Variants in TTC19 observed in about 807,000 individuals in gnomAD.
TTC19 encodes the protein tetratricopeptide repeat protein 19, mitochondrial.
A neutral mutation model predicts 49.5 loss-of-function variants in TTC19; 38 were observed. The ratio of observed to expected loss-of-function variants is 0.77; its 90% CI spans 0.59 to 1.01. The LOEUF is 1.01. Ranked by LOEUF, TTC19 falls within the 50% of genes least tolerant of loss-of-function variation. The probability of loss-of-function intolerance (pLI) is 0.00; values close to 1 mark genes in which losing one functional copy is unlikely to be tolerated. For missense variants in TTC19, 475 were observed against 477.7 expected, an observed-to-expected ratio of 0.99 and a Z score of 0.05; for synonymous variants, 204 against 185.2, an observed-to-expected ratio of 1.10 and a Z score of -0.83.
At chr17:16,029,829 T>A (rs1971781235), downstream of TTC19, 1 of 152,692 alleles carries the variant, frequency 6.5e-6, no homozygotes, top group Non-Finnish European at 1.5e-5. Flanking sequence ...GTAAATAAAG[T>A]AATACGCACA....
intron 2 of TTC19, chr17:16,040,790 C>T (rs2057415681): frequency 1.8e-5 from 7 of 386,078 alleles, no homozygotes; most frequent in South Asian, 1.4e-4. Context: ...AGCTACTCAG[C>T]AGGCTGAGGC....
chr17:16,042,002 G>A (rs2057793229), intron 2 of TTC19, among the ~76,000 whole-genome samples: 1 of 152,142 alleles, frequency 6.6e-6, no homozygotes. Context: ...CCAAAGTGCT[G>A]GGATTACAGG....
At chr17:16,044,752 C>A in exon 3 of TTC19, 1 of 824,180 alleles carries the variant, frequency 1.2e-6, no homozygotes, top group Admixed American at 1.7e-5. Flanking sequence ...CTTTTTGGTC[C>A]AGCTTGTTTG....
intron 2 of TTC19, among the ~76,000 whole-genome samples, chr17:16,037,054 C>A (rs1471082754): frequency 6.6e-6 from 1 of 152,172 alleles, no homozygotes; most frequent in Non-Finnish European, 1.5e-5. Flanking sequence ...TTCACTTGAA[C>A]ACTTAGAAGC....
chr17:16,038,901 C>T (rs1037970177), intron 2 of TTC19, among the ~76,000 whole-genome samples: 2 of 151,986 alleles, frequency 1.3e-5, no homozygotes, highest in African/African-American at 4.8e-5. Flanking sequence ...CTCCTGAGTA[C>T]CTGGGATTAC....
rs146947598 is a variant in TTC19, at chr17:16,017,638, G to A, written c.677-7379G>A. ...GAGCTAGGTGTGGTGGCGGGTGCCT[G>A]TAACCTCAGCTACTCGGGAGGCTGA... On this transcript the variant is annotated intron_variant, in intron 7 of 9. Coordinates refer to ENST00000261647, the MANE Select transcript of TTC19 (RefSeq NM_017775.4). 6.0e-4 allele frequency among the ~76,000 whole-genome samples: 87 copies of A among 144,852 alleles called. 1 individual carries two copies. The East Asian group carries it at 0.018, about 29-fold the overall frequency.
chr17:16,023,097 A>C (rs1971435533), intron 7 of TTC19, among the ~76,000 whole-genome samples: 1 of 152,202 alleles, frequency 6.6e-6, no homozygotes, highest in African/African-American at 2.4e-5. Context: ...AGTTGCTAAA[A>C]GTTTTCTTAC....
chr17:16,023,748 A>C (rs1043681912), intron 7 of TTC19: 1 of 149,386 alleles, frequency 6.7e-6, no homozygotes, highest in Non-Finnish European at 1.5e-5. Flanking sequence ...AGCCTCAAAG[A>C]GTATATTTAT....
intron 7 of TTC19, among the ~76,000 whole-genome samples, chr17:16,019,445 T>C (rs1471957260): frequency 2.6e-5 from 4 of 152,236 alleles, no homozygotes; most frequent in African/African-American, 9.6e-5. Context: ...AATATTATGT[T>C]GATGAGATTT....
intron 6 of TTC19, among the ~76,000 whole-genome samples, chr17:16,006,018 A>C (rs1970898178): frequency 6.6e-6 from 1 of 152,230 alleles, no homozygotes; most frequent in Non-Finnish European, 1.5e-5. Context: ...ATTTGACACT[A>C]CTTAGACTTT....
Position 16,025,155 on chromosome 17 carries a change from G to A in TTC19, c.815G>A (p.Gly272Glu), listed in dbSNP as rs1971508130. The change falls in exon 8 of 10, where the codon GGA (glycine) becomes GAA (glutamate). Residue 272 changes from glycine (G) to glutamate (E), a missense_variant. Gly to Glu is a moderately conservative substitution (Grantham distance 98, BLOSUM62 -2). Coordinates refer to ENST00000261647, the MANE Select transcript of TTC19 (RefSeq NM_017775.4). ...KALQISEEIQ[G>E]ERHPQTIVLM... ...CTGCAGATTTCTGAAGAAATACAAG[G>A]AGAAAGACACCCACAGGTAAGGGAG... 1 of 1,613,938 alleles carries A rather than the reference G, an allele frequency of 6.2e-7. No homozygotes were observed. The highest frequency in any genetic ancestry group is 1.3e-5 in the African/African-American group (1 of 75,026).
chr17:16,039,328 A>T, intron 2 of TTC19: 1 of 1,089,520 alleles, frequency 9.2e-7, no homozygotes, highest in Non-Finnish European at 1.3e-6. Context: ...GACTCTGAGC[A>T]CATAAAGACA....
chr17:16,003,498 G>A (rs1356718962), intron 4 of TTC19, among the ~76,000 whole-genome samples: 1 of 151,682 alleles, frequency 6.6e-6, no homozygotes. Context: ...TAAATCGAGG[G>A]GACTCTGTAA....
intron 8 of TTC19, among the ~76,000 whole-genome samples, chr17:16,025,527 T>C (rs1159573886): frequency 6.6e-6 from 1 of 152,200 alleles, no homozygotes; most frequent in African/African-American, 2.4e-5. Flanking sequence ...AACGGTTTAA[T>C]ACACAAATAT....
intron 2 of TTC19, among the ~76,000 whole-genome samples, chr17:16,001,286 G>A (rs546104130): frequency 7.2e-5 from 11 of 152,180 alleles, no homozygotes; most frequent in African/African-American, 2.6e-4. Flanking sequence ...CATATACCTT[G>A]CCCACCCATT....
intron 7 of TTC19, chr17:16,024,477 T>TG (rs1567586537): frequency 5.3e-5 from 8 of 151,770 alleles, no homozygotes; most frequent in Admixed American, 2.0e-4. Context: ...TTTTTTTTTT[T>TG]TGTATTTTTA....
At chr17:16,041,127 A>C (rs2057480705) in intron 2 of TTC19, 1 of 152,272 alleles carries the variant, frequency 6.6e-6, no homozygotes, top group Non-Finnish European at 1.5e-5. Context: ...TGCATGGCTA[A>C]CTGGAAACTC....
intron 2 of TTC19, among the ~76,000 whole-genome samples, chr17:16,044,046 G>C (rs2058210296): frequency 1.3e-5 from 2 of 151,662 alleles, no homozygotes; most frequent in Admixed American, 1.3e-4. Context: ...GCTGGTGCCT[G>C]TAATCCCAGC....
At chr17:16,017,448 CA>C (rs372559333) in intron 7 of TTC19, among the ~76,000 whole-genome samples, 2,138 of 53,710 alleles carry the variant, frequency 0.04, 37 homozygotes, top group African/African-American at 0.081. Context: ...GACTCCGGCT[CA>C]AAAAAAAAAA....
Sources: gnomAD v4.1 joint callset for allele counts (sites outside exome capture counted in the v4.1 genomes callset) on GRCh38, gnomAD v4.1.1 for gene constraint, MANE v1.5 for transcripts, NCBI Gene and HGNC (gene_info 2026-07-23, HGNC 2026-07-21) for gene names.